Variants in STOX2 observed in about 807,000 individuals in gnomAD.
STOX2 encodes storkhead-box protein 2.
In STOX2, 28 loss-of-function variants were observed where a neutral mutation model predicts 60.9. The observed-to-expected ratio is 0.46, with a 90% CI of 0.34 to 0.63. The LOEUF is 0.63. STOX2 is among the 30% of genes least tolerant of loss of function. STOX2 has a pLI of 0.01. For missense variants in STOX2, 1,024 were observed against 1,187.7 expected, an observed-to-expected ratio of 0.86 and a Z score of 2.03; for synonymous variants, 472 against 463.9, an observed-to-expected ratio of 1.02 and a Z score of -0.22.
chr4:184,010,049 C>T lies in STOX2; in HGVS notation c.1211C>T (p.Thr404Ile). Residue 404 changes from threonine (T) to isoleucine (I), a missense_variant, in exon 3 of 4, where the codon ACC becomes ATC. Transcript: ENST00000308497. This position sits in a 1 kb window ranked among gnomAD's most constrained non-coding sequence, Gnocchi z 4.5. ...GAGTATGACTTTTGTGATCCTCTTA[C>T]CAGGGTGCCCAGGGAGGGCTGCTTC... ...EREYDFCDPL[T>I]RVPREGCFII... is the part of the protein sequence containing the mutation. 7 of 1,613,656 alleles carry T rather than the reference C, an allele frequency of 4.3e-6. No homozygotes were observed. The highest frequency in any genetic ancestry group is 5.9e-6 in the Non-Finnish European group (7 of 1,179,792).
intron 1 of STOX2, among the ~76,000 whole-genome samples, chr4:183,915,028 C>T (rs1741889891): frequency 6.6e-6 from 1 of 152,244 alleles, no homozygotes; most frequent in African/African-American, 2.4e-5. Flanking sequence ...CTGTCATATA[C>T]CTATCCCGTT....
At chr4:183,989,874 C>T (rs907024305) in intron 1 of STOX2, among the ~76,000 whole-genome samples, 1 of 152,190 alleles carries the variant, frequency 6.6e-6, no homozygotes, top group Non-Finnish European at 1.5e-5. Context: ...CCCCTCATCA[C>T]ATGGATGGTT....
At chr4:183,861,596 T>C (rs7678725) in intron 1 of STOX2, among the ~76,000 whole-genome samples, 80,437 of 151,922 alleles carry the variant, frequency 0.53, 21,496 homozygotes, top group Admixed American at 0.57. Flanking sequence ...GCATCTTAGC[T>C]GTGTGACCGT....
At chr4:183,949,390 G>A (rs1035104670) in intron 1 of STOX2, among the ~76,000 whole-genome samples, 18 of 152,264 alleles carry the variant, frequency 1.2e-4, no homozygotes, top group African/African-American at 4.1e-4. Flanking sequence ...TAGTTTGGAT[G>A]TGTAATTTGC....
chr4:183,983,867 C>T (rs1732745477), intron 1 of STOX2, among the ~76,000 whole-genome samples: 1 of 152,190 alleles, frequency 6.6e-6, no homozygotes, highest in African/African-American at 2.4e-5. Flanking sequence ...TCACTGCAGC[C>T]TTGAACTCCT....
At chr4:183,966,748 G>A (rs1012385521) in intron 1 of STOX2, among the ~76,000 whole-genome samples, 8 of 152,188 alleles carry the variant, frequency 5.3e-5, no homozygotes, top group African/African-American at 1.9e-4. Flanking sequence ...GGACCTGTGC[G>A]GAAAGTGTGA....
At position 183,837,325 on chromosome 4, in the gene STOX2, C is replaced by T. The variant is rs7688581; in HGVS notation, c.364+39270C>T. Among the ~76,000 whole-genome samples the T allele has an allele frequency of 8.5e-5, 13 of 152,260 alleles. No individual in the cohort carries two copies. In the South Asian group the frequency reaches 2.7e-3, roughly 32 times the overall value. On this transcript the variant is annotated intron_variant, in intron 1 of 2. Transcript: ENST00000513034. Reference sequence around the variant, plus strand: ...ATACCTATTAAATAAGAACTCCCATCCCCTGGCACCCTTTATTCTACTTGC... The same window carrying T: ...ATACCTATTAAATAAGAACTCCCATTCCCTGGCACCCTTTATTCTACTTGC...
At chr4:183,910,273 T>C (rs1741740287) in intron 1 of STOX2, among the ~76,000 whole-genome samples, 1 of 152,204 alleles carries the variant, frequency 6.6e-6, no homozygotes, top group Non-Finnish European at 1.5e-5. Flanking sequence ...AAGTAGAAGT[T>C]ACGATATTAA....
At chr4:183,994,364 A>G (rs971487926) in intron 1 of STOX2, among the ~76,000 whole-genome samples, 1 of 152,228 alleles carries the variant, frequency 6.6e-6, no homozygotes, top group African/African-American at 2.4e-5. Flanking sequence ...GTCCTGAGGA[A>G]CAAAGCTGAG....
At chr4:184,016,026 AAG>A (rs1734357645) in intron 3 of STOX2, 1 of 152,234 alleles carries the variant, frequency 6.6e-6, no homozygotes. Context: ...GAAAAAGTAA[AAG>A]AGAGAGCAAA....
In STOX2 at chr4:184,009,934, T is replaced by A. The variant is rs746441074; in HGVS notation, c.1096T>A (p.Ser366Thr). 6.2e-7 allele frequency: 1 copy of A among 1,613,326 alleles called. No individual in the cohort carries two copies. The highest frequency in any genetic ancestry group is 1.1e-5 in the South Asian group (1 of 90,872). ...RSKKSRTHRK[S>T]HGKSRSHSKT... is the part of the protein sequence containing the mutation. Reference sequence around the variant, plus strand: ...TAAAAAGAGTAGGACTCATCGGAAGTCCCATGGAAAGTCTCGGTCTCACAG... The same window carrying A: ...TAAAAAGAGTAGGACTCATCGGAAGACCCATGGAAAGTCTCGGTCTCACAG... Residue 366 changes from serine to threonine, a missense_variant, in exon 3 of 4, where the codon TCC becomes ACC. Physicochemically the swap from Ser to Thr is moderately conservative, Grantham distance 58 (BLOSUM62 1). Around this residue, in one of 3 missense-constraint regions of STOX2, gnomAD observed 922 missense variants for 1,058.3 expected, o/e 0.87. Coordinates refer to ENST00000308497, the MANE Select transcript of STOX2 (RefSeq NM_020225.3). The surrounding 1 kb of genome is among the most constrained non-coding windows in gnomAD (Gnocchi z 4.0).
At chr4:183,828,625 C>T (rs1453647039) in intron 1 of STOX2, among the ~76,000 whole-genome samples, 1 of 152,058 alleles carries the variant, frequency 6.6e-6, no homozygotes, top group African/African-American at 2.4e-5. Context: ...ATCCCAGAGG[C>T]GACAGATTTA....
chr4:183,827,367 C>T (rs143952561), intron 1 of STOX2, among the ~76,000 whole-genome samples: 28 of 152,168 alleles, frequency 1.8e-4, no homozygotes, highest in Non-Finnish European at 2.9e-4. Flanking sequence ...TGTGGTGACA[C>T]GCACCTGTAG....
At chr4:183,851,888 GGAAAGGATGAGA>G (rs1560846083) in intron 1 of STOX2, among the ~76,000 whole-genome samples, 8 of 46,874 alleles carry the variant, frequency 1.7e-4, no homozygotes, top group East Asian at 8.1e-4. Flanking sequence ...AAAGGATGAG[GGAAAGGATGAGA>G]GAAAGGATGA....
chr4:184,001,503 T>C lies in STOX2; in HGVS notation c.319+26T>C, dbSNP rs561621857. ...GTAACGAGGCGGGAACGTAGCACTT[T>C]CCAGGTGGCGGTGTGCTGTGGTCGC... On this transcript the variant is annotated intron_variant, in intron 2 of 3. Coordinates refer to ENST00000308497, the MANE Select transcript of STOX2 (RefSeq NM_020225.3). The surrounding 1 kb of genome is among the most constrained non-coding windows in gnomAD (Gnocchi z 4.2). The C allele has an allele frequency of 7.4e-6, 12 of 1,611,952 alleles. No homozygotes were observed. Among genetic ancestry groups the C allele is most frequent in the African/African-American group, 2.7e-5 (2 of 74,982 alleles).
chr4:183,800,596 G>A (rs1002964872), intron 1 of STOX2, among the ~76,000 whole-genome samples: 2 of 152,178 alleles, frequency 1.3e-5, no homozygotes, highest in Non-Finnish European at 2.9e-5. Flanking sequence ...ACACATAGAT[G>A]AGCTTTACAG....
chr4:184,003,994 A>T (rs1263127491), intron 2 of STOX2, among the ~76,000 whole-genome samples: 2 of 152,056 alleles, frequency 1.3e-5, no homozygotes, highest in African/African-American at 4.8e-5. Context: ...CTACAGCAGA[A>T]GAAAATATTT....
intron 1 of STOX2, among the ~76,000 whole-genome samples, chr4:183,884,807 A>G (rs1741043564): frequency 6.6e-6 from 1 of 152,150 alleles, no homozygotes; most frequent in Non-Finnish European, 1.5e-5. Context: ...CTGAAACCAG[A>G]TTGTCTGCCT....
chr4:183,811,612 G>A (rs6552709), intron 1 of STOX2, among the ~76,000 whole-genome samples: 41,608 of 152,162 alleles, frequency 0.27, 6,655 homozygotes, highest in African/African-American at 0.45. Flanking sequence ...AATAGAAGCT[G>A]CTTATAGCAG....
Sources: allele counts gnomAD v4.1 joint callset (sites outside exome capture counted in the v4.1 genomes callset), GRCh38; gene constraint gnomAD v4.1.1; regional missense constraint gnomAD v4.1.1; non-coding constraint Gnocchi (gnomAD v3.1); transcripts MANE v1.5; gene names NCBI Gene and HGNC (gene_info 2026-07-23, HGNC 2026-07-21).